Variants in PTGES3 observed in about 807,000 individuals in gnomAD.
PTGES3 encodes prostaglandin E synthase 3.
Under a neutral mutation model 29.9 loss-of-function variants are expected in PTGES3, and 5 were observed. That is an observed-to-expected ratio of 0.17 (90% CI 0.09 to 0.35). The LOEUF (loss-of-function observed/expected upper bound fraction) is 0.35. PTGES3 is among the 10% of genes least tolerant of loss of function. PTGES3 has a pLI of 1.00. For missense variants in PTGES3, 128 were observed against 190.0 expected (o/e 0.67, Z 1.92); for synonymous variants, 49 against 57.8 (o/e 0.85, Z 0.69).
At chr12:56,686,110 T>TTCCTA (rs10664047) in intron 1 of PTGES3, among the ~76,000 whole-genome samples, 94,334 of 151,330 alleles carry the variant, frequency 0.62, 29,805 homozygotes, top group South Asian at 0.75. Flanking sequence ...TAAATCTACT[T>TTCCTA]TCCTAGTAAT....
At chr12:56,684,250 G>A (rs935628963) in intron 1 of PTGES3, among the ~76,000 whole-genome samples, 7 of 152,086 alleles carry the variant, frequency 4.6e-5, no homozygotes, top group Non-Finnish European at 8.8e-5. Flanking sequence ...TTAGTCAGGA[G>A]AATCTTAATT....
In PTGES3 at chr12:56,688,027, C is replaced by A. The variant is rs767425892; in HGVS notation, c.-28G>T. On this transcript the variant is annotated 5_prime_UTR_variant, in exon 1 of 8. Transcript: ENST00000262033. ...TGAACGGGGCAGGGGGACGGGCGAA[C>A]TGGTGGGCGGGCCTCTCTGGCGGCG... 1.3e-6 allele frequency: 2 copies of A among 1,523,664 alleles called. No homozygotes were observed. Among genetic ancestry groups the A allele is most frequent in the Non-Finnish European group, 1.8e-6 (2 of 1,134,182 alleles). The allele number at this position is 1,523,664 out of a possible 1,614,324, so 94.4% of individuals were successfully genotyped here. A position where few individuals can be genotyped will look rare whatever the true frequency, so the allele number is the denominator to read the frequency against.
intron 1 of PTGES3, chr12:56,687,487 C>G: frequency 1.0e-6 from 1 of 992,668 alleles, no homozygotes; most frequent in Non-Finnish European, 1.2e-6. Flanking sequence ...TTCTAGTTGC[C>G]TAGCAGTACC....
At chr12:56,687,837 C>T in intron 1 of PTGES3, 161 bp downstream of exon 1, 2 of 1,471,280 alleles carry the variant, frequency 1.4e-6, no homozygotes, top group Non-Finnish European at 1.8e-6. Flanking sequence ...TGTCCTCCAC[C>T]CGCCAACGGT....
chr12:56,665,257 T>C, intron 6 of PTGES3: 1 of 984,596 alleles, frequency 1.0e-6, no homozygotes, highest in Non-Finnish European at 1.2e-6. Flanking sequence ...TTAGTGTATC[T>C]TCCTCTTACA....
chr12:56,675,672 G>A (rs1952207357), intron 1 of PTGES3, among the ~76,000 whole-genome samples: 1 of 152,098 alleles, frequency 6.6e-6, no homozygotes, highest in Non-Finnish European at 1.5e-5. Context: ...GTAATCTCCA[G>A]CACTTTGGGA....
At position 56,676,920 on chromosome 12, in the gene PTGES3, CAAA is replaced by C. The variant is rs34739170; in HGVS notation, c.3-3858_3-3856del. On this transcript the variant is annotated intron_variant, in intron 1 of 7. Coordinates refer to ENST00000262033, the MANE Select transcript of PTGES3 (RefSeq NM_006601.7). ...TGGGTGAGAGAGTGAGATTCCGACT[CAAA>C]AAAAAAAAAAAAAAAAAAAAAAATA... is the stretch of plus-strand genomic sequence containing the variant. Among the ~76,000 whole-genome samples, 241 of 50,522 alleles carry C rather than the reference CAAA, an allele frequency of 4.8e-3. 1 individual carries two copies. Among genetic ancestry groups the C allele is most frequent in the African/African-American group, 0.018 (224 of 12,204 alleles). The allele number at this position is 50,522 out of a possible 152,430, so 33.1% of individuals were successfully genotyped here. A position where few individuals can be genotyped will look rare whatever the true frequency, so the allele number is the denominator to read the frequency against.
intron 1 of PTGES3, among the ~76,000 whole-genome samples, chr12:56,673,936 C>A (rs533776421): frequency 6.6e-6 from 1 of 152,198 alleles, no homozygotes; most frequent in South Asian, 2.1e-4. Context: ...CCACTGCAAT[C>A]CAGCCTGGGC....
intron 6 of PTGES3, chr12:56,665,898 G>C (rs887113125): frequency 2.0e-6 from 2 of 981,208 alleles, no homozygotes; most frequent in East Asian, 9.3e-5. Context: ...TGGGATAACA[G>C]ACATGAGCCA....
In PTGES3 at chr12:56,688,057, C is replaced by A. The variant is rs1952971171; in HGVS notation, c.-58G>T. 1.4e-6 allele frequency: 2 copies of A among 1,477,614 alleles called. No homozygotes were observed. The highest frequency in any genetic ancestry group is 2.4e-5 in the Admixed American group (1 of 41,414). 91.5% of individuals were successfully genotyped at this position (1,477,614 alleles called of 1,614,324 possible). ...GGGCGGGCCTCTCTGGCGGCGGCTG[C>A]TGCTAGGGAGTCGACTTCTCTCCGG... On this transcript the variant is annotated 5_prime_UTR_variant, in exon 1 of 8. Coordinates refer to ENST00000262033, the MANE Select transcript of PTGES3 (RefSeq NM_006601.7).
chr12:56,664,248 A>G lies in PTGES3; in HGVS notation c.*231T>C, dbSNP rs190262430. On this transcript the variant is annotated 3_prime_UTR_variant, in exon 8 of 8. Transcript: ENST00000262033. ...TCAACAGCTTCATGAAAGTCTGGGA[A>G]ATGTTCATGCATAAGGTTATTGCCT... is the stretch of plus-strand genomic sequence containing the variant. The G allele has an allele frequency of 3.0e-4, 124 of 417,130 alleles. No homozygotes were observed. Among genetic ancestry groups the G allele is most frequent in the Non-Finnish European group, 4.9e-4 (111 of 226,136 alleles). 25.8% of individuals were successfully genotyped at this position (417,130 alleles called of 1,614,324 possible). A position where few individuals can be genotyped will look rare whatever the true frequency, so the allele number is the denominator to read the frequency against.
chr12:56,676,907 T>A lies in PTGES3; in HGVS notation c.3-3842A>T, dbSNP rs180716903. 6.3e-4 allele frequency among the ~76,000 whole-genome samples: 66 copies of A among 104,568 alleles called. 1 individual carries two copies. In the East Asian group the frequency reaches 0.016, roughly 25 times the overall value. 68.6% of individuals were successfully genotyped at this position (104,568 alleles called of 152,430 possible). A position where few individuals can be genotyped will look rare whatever the true frequency, so the allele number is the denominator to read the frequency against. On this transcript the variant is annotated intron_variant, in intron 1 of 7. Coordinates refer to ENST00000262033, the MANE Select transcript of PTGES3 (RefSeq NM_006601.7). ...CTGCACTGCAGCCTGGGTGAGAGAG[T>A]GAGATTCCGACTCAAAAAAAAAAAA...
At chr12:56,664,842 CGTTTGCTAACTGAACAGTTTACCTA>C in intron 6 of PTGES3, 42 bp from the exon 7 acceptor site, 1 of 1,590,000 alleles carries the variant, frequency 6.3e-7, no homozygotes, top group Non-Finnish European at 8.6e-7. Context: ...ATCAAATATT[CGTTTGCTAACTGAACAGTTTACCTA>C]AAAAAGTTCA....
chr12:56,682,085 G>T (rs890787410), intron 1 of PTGES3, among the ~76,000 whole-genome samples: 4 of 151,980 alleles, frequency 2.6e-5, no homozygotes, highest in African/African-American at 9.7e-5. Context: ...GACCACAAGT[G>T]ACCTGCCCGC....
intron 1 of PTGES3, among the ~76,000 whole-genome samples, chr12:56,686,472 C>G (rs1952860603): frequency 6.6e-6 from 1 of 152,112 alleles, no homozygotes; most frequent in Non-Finnish European, 1.5e-5. Flanking sequence ...CTCCCAGATT[C>G]AAGCGATTCT....
intron 1 of PTGES3, among the ~76,000 whole-genome samples, chr12:56,677,946 G>A (rs1418470640): frequency 6.6e-6 from 1 of 152,102 alleles, no homozygotes; most frequent in African/African-American, 2.4e-5. Context: ...AGGACTAGCA[G>A]GTTTATTCAG....
chr12:56,665,942 G>C, intron 6 of PTGES3: 1 of 1,126,470 alleles, frequency 8.9e-7, no homozygotes, highest in South Asian at 3.0e-5. Flanking sequence ...TTATAATTGA[G>C]TACGGTATTA....
rs1218362822 is a variant in PTGES3 at position 56,671,814 on chromosome 12, A to G, written c.220T>C (p.Leu74=). The G allele has an allele frequency of 5.7e-6, 9 of 1,574,344 alleles. No individual in the cohort carries two copies. Among genetic ancestry groups the G allele is most frequent in the Non-Finnish European group, 7.8e-6 (9 of 1,158,694 alleles). The change falls in exon 4 of 8, where the codon TTA becomes CTA. Residue 74 remains leucine (L), a synonymous_variant. Transcript: ENST00000262033. ...SKHKRTDRSI[L]CCLRKGESGQ... ...GATTCTCCTTTTCGTAAACAACATA[A>G]AATTGATCTGTCCGTTCTTTTATGC...
chr12:56,678,336 C>G (rs915011742), intron 1 of PTGES3, among the ~76,000 whole-genome samples: 1 of 152,020 alleles, frequency 6.6e-6, no homozygotes, highest in African/African-American at 2.4e-5. Context: ...CGCCACCAAG[C>G]CTGGCTAATT....
Sources: gnomAD v4.1 joint callset for allele counts (sites outside exome capture counted in the v4.1 genomes callset) on GRCh38, gnomAD v4.1.1 for gene constraint, MANE v1.5 for transcripts, NCBI Gene and HGNC (gene_info 2026-07-23, HGNC 2026-07-21) for gene names.